Variants in MAPK10 observed in about 807,000 individuals in gnomAD.
MAPK10 encodes the protein JNK3 alpha protein kinase.
A neutral mutation model predicts 59.3 loss-of-function variants in MAPK10; 25 were observed. The observed-to-expected ratio is 0.42, with a 90% CI of 0.31 to 0.59. The LOEUF is 0.59. Among genes scored for constraint, MAPK10 ranks in the 20% least tolerant of loss-of-function variants. MAPK10 has a pLI of 0.15. For missense variants in MAPK10, 351 were observed against 568.9 expected (o/e 0.62, Z 3.90); for synonymous variants, 190 against 200.5 (o/e 0.95, Z 0.44).
intron 10 of MAPK10, among the ~76,000 whole-genome samples, chr4:86,066,752 CAAAAAAAAAA>C (rs60413311): frequency 1.2e-5 from 1 of 86,528 alleles, no homozygotes; most frequent in Non-Finnish European, 2.3e-5. Context: ...GACTCTGTCT[CAAAAAAAAAA>C]AAAAAAAAAA....
chr4:86,223,528 C>T (rs1457385240), intron 2 of MAPK10, among the ~76,000 whole-genome samples: 1 of 152,198 alleles, frequency 6.6e-6, no homozygotes, highest in Non-Finnish European at 1.5e-5. Flanking sequence ...GCACATTATG[C>T]TTTGGGTCAT....
chr4:86,321,298 C>T (rs1388248949), intron 2 of MAPK10, among the ~76,000 whole-genome samples: 7 of 151,664 alleles, frequency 4.6e-5, no homozygotes, highest in South Asian at 2.1e-4. Context: ...ATGTTTATTG[C>T]GGCACTATTC....
chr4:86,523,124 TTAA>T (rs1286056897), intron 1 of MAPK10, among the ~76,000 whole-genome samples: 11 of 152,360 alleles, frequency 7.2e-5, no homozygotes, highest in African/African-American at 2.4e-4. Flanking sequence ...ATTGATATTA[TTAA>T]TACCTTTATT....
At chr4:86,295,149 C>T (rs1035891793) in intron 2 of MAPK10, among the ~76,000 whole-genome samples, 5 of 152,128 alleles carry the variant, frequency 3.3e-5, no homozygotes, top group Non-Finnish European at 7.4e-5. Flanking sequence ...GGACACAGCC[C>T]GACACTCACA....
chr4:86,025,499 A>G (rs1156720728), intron 13 of MAPK10: 1 of 398,208 alleles, frequency 2.5e-6, no homozygotes, highest in Admixed American at 4.4e-5. Context: ...AAAATCTCTT[A>G]AACAGAATTG....
At chr4:86,584,740 T>C (rs1481513967) in intron 1 of MAPK10, among the ~76,000 whole-genome samples, 1 of 152,198 alleles carries the variant, frequency 6.6e-6, no homozygotes, top group Non-Finnish European at 1.5e-5. Context: ...CCACCTTGCC[T>C]GGCCTAAATT....
chr4:86,084,500 A>C (rs1317854781), intron 9 of MAPK10, among the ~76,000 whole-genome samples: 1 of 152,226 alleles, frequency 6.6e-6, no homozygotes, highest in East Asian at 1.9e-4. Context: ...TCCCATTTAT[A>C]ATATCTACAA....
chr4:86,389,508 G>A (rs1741927293), intron 1 of MAPK10, among the ~76,000 whole-genome samples: 1 of 152,154 alleles, frequency 6.6e-6, no homozygotes, highest in Admixed American at 6.5e-5. Flanking sequence ...CTACGGGATA[G>A]TTTTTAGAGT....
intron 2 of MAPK10, among the ~76,000 whole-genome samples, chr4:86,294,761 C>G (rs2148828164): frequency 6.6e-6 from 1 of 152,186 alleles, no homozygotes; most frequent in African/African-American, 2.4e-5. Context: ...CTGAGGTGGC[C>G]AGAATTCACA....
chr4:86,341,379 G>C (rs1358304800), intron 2 of MAPK10, among the ~76,000 whole-genome samples: 6 of 152,144 alleles, frequency 3.9e-5, no homozygotes, highest in African/African-American at 1.4e-4. Context: ...GAAGTCTTAA[G>C]AGACATGATC....
chr4:86,528,187 A>G (rs1757614543), intron 1 of MAPK10, among the ~76,000 whole-genome samples: 1 of 152,238 alleles, frequency 6.6e-6, no homozygotes, highest in Non-Finnish European at 1.5e-5. Flanking sequence ...AAACACACAG[A>G]GAGAAAAGGA....
intron 9 of MAPK10, among the ~76,000 whole-genome samples, chr4:86,071,273 T>C (rs998988929): frequency 1.3e-5 from 2 of 150,750 alleles, no homozygotes; most frequent in African/African-American, 4.9e-5. Context: ...TTTGAGTTCA[T>C]TGTAGATTCT....
At chr4:86,078,391 G>A (rs1302833379) in intron 9 of MAPK10, among the ~76,000 whole-genome samples, 2 of 152,128 alleles carry the variant, frequency 1.3e-5, no homozygotes, top group African/African-American at 4.8e-5. Context: ...AAGGCCATGG[G>A]AAATTACAGT....
At chr4:86,267,985 T>G (rs1200587980) in intron 2 of MAPK10, among the ~76,000 whole-genome samples, 1 of 152,220 alleles carries the variant, frequency 6.6e-6, no homozygotes, top group African/African-American at 2.4e-5. Flanking sequence ...TTTAGTGTTT[T>G]CCTAACACCT....
intron 1 of MAPK10, among the ~76,000 whole-genome samples, chr4:86,441,743 A>G (rs1749453808): frequency 6.6e-6 from 1 of 152,170 alleles, no homozygotes; most frequent in Admixed American, 6.5e-5. Flanking sequence ...AACCCCATCC[A>G]CACTAGGGAC....
At chr4:86,461,000 GTT>G (rs1469883819) in intron 1 of MAPK10, among the ~76,000 whole-genome samples, 15 of 152,132 alleles carry the variant, frequency 9.9e-5, no homozygotes, top group African/African-American at 3.6e-4. Context: ...GCACCACTGG[GTT>G]AGGGTCTCCA....
chr4:86,552,262 A>T (rs1479756745), intron 1 of MAPK10, among the ~76,000 whole-genome samples: 1 of 151,784 alleles, frequency 6.6e-6, no homozygotes, highest in Non-Finnish European at 1.5e-5. Context: ...TTTACAAAAA[A>T]TAAACAAAAT....
intron 1 of MAPK10, among the ~76,000 whole-genome samples, chr4:86,410,888 A>T (rs1229494489): frequency 6.6e-6 from 1 of 151,774 alleles, no homozygotes; most frequent in Non-Finnish European, 1.5e-5. Flanking sequence ...GTTTTTTTGT[A>T]TCTCCATATC....
chr4:86,435,157 A>G (rs1214642876), intron 1 of MAPK10, among the ~76,000 whole-genome samples: 1 of 152,174 alleles, frequency 6.6e-6, no homozygotes, highest in East Asian at 1.9e-4. Context: ...AAAGGGAAAA[A>G]AAGAATATAA....
Sources: gnomAD v4.1 joint callset for allele counts (sites outside exome capture counted in the v4.1 genomes callset) on GRCh38, gnomAD v4.1.1 for gene constraint, MANE v1.5 for transcripts, NCBI Gene and HGNC (gene_info 2026-07-23, HGNC 2026-07-21) for gene names.